KDM4C: variants seen among roughly 807,000 people sequenced by gnomAD.
The protein encoded by KDM4C is lysine demethylase 4C, also known as lysine-specific demethylase 4C.
Under a neutral mutation model 129.3 loss-of-function variants are expected in KDM4C, and 81 were observed. The observed-to-expected ratio is 0.63, with a 90% CI of 0.52 to 0.75. KDM4C has a LOEUF of 0.75. Among genes scored for constraint, KDM4C ranks in the 30% least tolerant of loss-of-function variants. KDM4C has a pLI of 0.00. For synonymous variants in KDM4C, 573 were observed against 456.1 expected (o/e 1.26, Z -3.26); for missense variants, 1,457 against 1,304.0 (o/e 1.12, Z -1.81).
intron 8 of KDM4C, among the ~76,000 whole-genome samples, chr9:6,914,957 C>G (rs1047996317): frequency 6.6e-6 from 1 of 152,180 alleles, no homozygotes. Context: ...TGTACTAAGA[C>G]AGAGTCTTTT....
At chr9:6,902,506 G>C (rs138456883) in intron 8 of KDM4C, among the ~76,000 whole-genome samples, 1 of 152,168 alleles carries the variant, frequency 6.6e-6, no homozygotes, top group Non-Finnish European at 1.5e-5. Flanking sequence ...ACATGTTTCT[G>C]TGAGGCTTAG....
intron 19 of KDM4C, among the ~76,000 whole-genome samples, chr9:7,135,594 C>T (rs1034665859): frequency 6.9e-6 from 1 of 144,228 alleles, no homozygotes; most frequent in Non-Finnish European, 1.5e-5. Flanking sequence ...TGATGTTGTC[C>T]GTTCTGAGCT....
chr9:6,844,260 T>C (rs1837468096), intron 4 of KDM4C, among the ~76,000 whole-genome samples: 1 of 151,852 alleles, frequency 6.6e-6, no homozygotes, highest in Non-Finnish European at 1.5e-5. Flanking sequence ...ATCTTTTGTT[T>C]TAAGTTTTTC....
At chr9:7,140,904 T>C (rs1841678457) in intron 19 of KDM4C, among the ~76,000 whole-genome samples, 1 of 152,190 alleles carries the variant, frequency 6.6e-6, no homozygotes, top group Non-Finnish European at 1.5e-5. Flanking sequence ...CTTATCTAGA[T>C]GGGTGATCAG....
intron 8 of KDM4C, among the ~76,000 whole-genome samples, chr9:6,936,402 A>G (rs1824798440): frequency 6.7e-6 from 1 of 149,490 alleles, no homozygotes; most frequent in African/African-American, 2.6e-5. Context: ...GATTTGCTAA[A>G]AAAAGAATGC....
At chr9:6,913,957 G>A (rs1422165450) in intron 8 of KDM4C, among the ~76,000 whole-genome samples, 1 of 152,188 alleles carries the variant, frequency 6.6e-6, no homozygotes, top group Non-Finnish European at 1.5e-5. Context: ...ACTCCTTTAG[G>A]AGCAACTGCA....
At chr9:6,986,947 A>T in intron 11 of KDM4C, 2 of 320,866 alleles carry the variant, frequency 6.2e-6, no homozygotes, top group African/African-American at 2.1e-5. Flanking sequence ...GTAATTGTAG[A>T]CTCGTATGCA....
intron 1 of KDM4C, among the ~76,000 whole-genome samples, chr9:6,752,095 AGGCCG>A (rs1818089145): frequency 6.6e-6 from 1 of 150,534 alleles, no homozygotes; most frequent in African/African-American, 2.5e-5. Context: ...GCACTTTGGG[AGGCCG>A]AGACGGGCGG....
At chr9:7,142,853 C>CTG (rs59576344) in intron 19 of KDM4C, among the ~76,000 whole-genome samples, 44,278 of 150,142 alleles carry the variant, frequency 0.29, 6,628 homozygotes, top group Non-Finnish European at 0.35. Flanking sequence ...CTCATACAGG[C>CTG]TGTGTGTGTG....
At chr9:7,065,383 C>T (rs1052006591) in intron 17 of KDM4C, among the ~76,000 whole-genome samples, 10 of 151,704 alleles carry the variant, frequency 6.6e-5, no homozygotes, top group Non-Finnish European at 1.2e-4. Flanking sequence ...ACAGGAATAG[C>T]GCTTAAGGTT....
At chr9:7,075,792 C>T (rs1416100297) in intron 17 of KDM4C, among the ~76,000 whole-genome samples, 1 of 151,906 alleles carries the variant, frequency 6.6e-6, no homozygotes, top group Non-Finnish European at 1.5e-5. Context: ...TGGGCATACT[C>T]TTTAATCATT....
At chr9:7,138,049 TAATA>T (rs1357264865) in intron 19 of KDM4C, among the ~76,000 whole-genome samples, 3 of 152,216 alleles carry the variant, frequency 2.0e-5, no homozygotes, top group African/African-American at 7.2e-5. Flanking sequence ...AAAGAACCAG[TAATA>T]AATCTTGCCT....
At position 7,088,623 on chromosome 9, in the gene KDM4C, C is replaced by G. The variant is rs182505198; in HGVS notation, c.2425-15062C>G. On this transcript the variant is annotated intron_variant, in intron 17 of 21. Transcript: ENST00000381309. The stretch of plus-strand genomic sequence containing the variant: ...ATATGCAATCGTCTGAAAGGTTTGT[C>G]TTAATGGATTACATTTGCTACATAT... Among the ~76,000 whole-genome samples the G allele has an allele frequency of 1.5e-3, 231 of 152,268 alleles. No individual in the cohort carries two copies. The South Asian group carries it at 0.016, about 11-fold the overall frequency.
intron 17 of KDM4C, among the ~76,000 whole-genome samples, chr9:7,069,279 G>C (rs1416351679): frequency 6.6e-6 from 1 of 152,088 alleles, no homozygotes. Flanking sequence ...AATGATATTA[G>C]GGTTGTTTTA....
At chr9:6,890,398 TC>T (rs1845947091) in intron 7 of KDM4C, among the ~76,000 whole-genome samples, 2 of 152,230 alleles carry the variant, frequency 1.3e-5, no homozygotes, top group African/African-American at 4.8e-5. Flanking sequence ...TCAGCCCTCT[TC>T]CTGTAGGTAA....
At chr9:7,072,498 C>T (rs1445182015) in intron 17 of KDM4C, among the ~76,000 whole-genome samples, 1 of 152,106 alleles carries the variant, frequency 6.6e-6, no homozygotes, top group African/African-American at 2.4e-5. Flanking sequence ...GATTCATTAC[C>T]CTAAGTGAAA....
chr9:6,735,773 G>A (rs1817507595), intron 1 of KDM4C, among the ~76,000 whole-genome samples: 1 of 152,146 alleles, frequency 6.6e-6, no homozygotes, highest in South Asian at 2.1e-4. Flanking sequence ...ATTGGTACTA[G>A]TAGAGCAGGG....
chr9:6,961,243 A>G (rs573470976), intron 8 of KDM4C, among the ~76,000 whole-genome samples: 1 of 152,204 alleles, frequency 6.6e-6, no homozygotes, highest in Non-Finnish European at 1.5e-5. Context: ...ATAGAAAAGG[A>G]TGGCTTGATA....
Position 6,729,548 on chromosome 9 carries a change from C to CA in KDM4C, c.49+8559dup, listed in dbSNP as rs200655312. Among the ~76,000 whole-genome samples the CA allele has an allele frequency of 2.7e-4, 35 of 131,896 alleles. 6 individuals are homozygous for CA. Among genetic ancestry groups the CA allele is most frequent in the Non-Finnish European group, 4.2e-4 (27 of 64,748 alleles). 86.5% of individuals were successfully genotyped at this position (131,896 alleles called of 152,430 possible). ...GATGACAGAGACCCTGTCTCAAAAA[C>CA]AAAAAAAACAAATCTCCATAACTGA... On this transcript the variant is annotated intron_variant, in intron 1 of 17. Coordinates refer to the KDM4C transcript ENST00000536108.
Sources: gnomAD v4.1 joint callset for allele counts (sites outside exome capture counted in the v4.1 genomes callset) on GRCh38, gnomAD v4.1.1 for gene constraint, MANE v1.5 for transcripts, NCBI Gene and HGNC (gene_info 2026-07-23, HGNC 2026-07-21) for gene names.